TNFAIP8L3: variants seen among roughly 807,000 people sequenced by gnomAD.
The protein encoded by TNFAIP8L3 is TNF alpha induced protein 8 like 3.
A neutral mutation model predicts 11.8 loss-of-function variants in TNFAIP8L3; 7 were observed. That is an observed-to-expected ratio of 0.59 (90% CI 0.34 to 1.11). The LOEUF is 1.11. Ranked by LOEUF, TNFAIP8L3 falls within the 50% of genes most tolerant of loss-of-function variation. The pLI is 0.03. For missense variants in TNFAIP8L3, 219 were observed against 258.6 expected (o/e 0.85, Z 1.05); for synonymous variants, 98 against 103.8 (o/e 0.94, Z 0.34).
upstream of TNFAIP8L3, among the ~76,000 whole-genome samples, chr15:51,097,572 G>A (rs1490864493): frequency 6.6e-6 from 1 of 152,200 alleles, no homozygotes. Context: ...TTAGACAATG[G>A]GGAAGAGAGA....
intron 1 of TNFAIP8L3, among the ~76,000 whole-genome samples, chr15:51,062,289 A>C (rs909789221): frequency 3.3e-5 from 5 of 151,386 alleles, no homozygotes; most frequent in Non-Finnish European, 5.9e-5. Flanking sequence ...AAATAAAATA[A>C]AATAAAATAA....
At chr15:51,063,744 G>A (rs2065253812) in intron 1 of TNFAIP8L3, among the ~76,000 whole-genome samples, 1 of 152,194 alleles carries the variant, frequency 6.6e-6, no homozygotes, top group Non-Finnish European at 1.5e-5. Flanking sequence ...CTGCAAGGAG[G>A]CTGGATATTG....
chr15:51,087,919 T>TTTTATATATATATATATATATATATA (rs1281675922), intron 1 of TNFAIP8L3, among the ~76,000 whole-genome samples: 3 of 101,564 alleles, frequency 3.0e-5, no homozygotes, highest in African/African-American at 1.1e-4. Context: ...TAGCATACCT[T>TTTTATATATATATATATATATATATA]TATATATATA....
At chr15:51,092,448 T>G (rs1352063984) in intron 1 of TNFAIP8L3, among the ~76,000 whole-genome samples, 1 of 152,258 alleles carries the variant, frequency 6.6e-6, no homozygotes, top group Non-Finnish European at 1.5e-5. Flanking sequence ...ACATCCAGCT[T>G]TGAAGCACTG....
At chr15:51,088,625 G>A (rs888914007) in intron 1 of TNFAIP8L3, among the ~76,000 whole-genome samples, 6 of 152,222 alleles carry the variant, frequency 3.9e-5, no homozygotes, top group African/African-American at 9.6e-5. Flanking sequence ...TCAGAGCTAT[G>A]AGGTCTAGAA....
Position 51,058,021 on chromosome 15 carries a change from C to T in TNFAIP8L3, c.475G>A (p.Gly159Arg), listed in dbSNP as rs200106121. The T allele has an allele frequency of 1.7e-5, 27 of 1,614,182 alleles. No homozygotes were observed. The highest frequency in any genetic ancestry group is 3.3e-4 in the Middle Eastern group (2 of 6,062). The change falls in exon 2 of 2, where the codon GGG becomes AGG. Residue 159 changes from glycine to arginine, a missense_variant. By Grantham distance (125) the Gly-to-Arg change is moderately radical. Transcript: ENST00000637513. ...TGGTTAAAGACGTGGTTGATGCGCC[C>T]GTGGGTCCTGGGCGTCAGGTGCCGC... ...VQRHLTPRTH[G>R]RINHVFNHFA...
chr15:51,079,199 C>T (rs1166933022), intron 1 of TNFAIP8L3, among the ~76,000 whole-genome samples: 1 of 152,280 alleles, frequency 6.6e-6, no homozygotes, highest in Non-Finnish European at 1.5e-5. Flanking sequence ...TTTGCATTTT[C>T]TGTCCCTGTG....
intron 1 of TNFAIP8L3, among the ~76,000 whole-genome samples, chr15:51,075,685 A>G (rs536128471): frequency 6.6e-6 from 1 of 152,370 alleles, no homozygotes; most frequent in East Asian, 1.9e-4. Flanking sequence ...GTCTAATGCA[A>G]TAAAAATGTC....
At chr15:51,090,113 T>C (rs1036112359) in intron 1 of TNFAIP8L3, among the ~76,000 whole-genome samples, 1 of 152,204 alleles carries the variant, frequency 6.6e-6, no homozygotes, top group African/African-American at 2.4e-5. Context: ...GCTAAGTGCC[T>C]GAAGGAAGAG....
At chr15:51,082,678 T>C (rs2065400605) in intron 1 of TNFAIP8L3, among the ~76,000 whole-genome samples, 1 of 152,206 alleles carries the variant, frequency 6.6e-6, no homozygotes, top group Non-Finnish European at 1.5e-5. Flanking sequence ...TGTATAGCTG[T>C]ACAAAAATTA....
At chr15:51,069,551 C>A (rs57324163) in intron 1 of TNFAIP8L3, 30,913 of 152,114 alleles carry the variant, frequency 0.2, 3,616 homozygotes, top group East Asian at 0.44. Context: ...CCTTTTAGCT[C>A]ATTATCTCAG....
chr15:51,072,581 G>C (rs1449034545), intron 1 of TNFAIP8L3, among the ~76,000 whole-genome samples: 1 of 152,080 alleles, frequency 6.6e-6, no homozygotes, highest in Non-Finnish European at 1.5e-5. Context: ...TAAAGGTTTT[G>C]TTTTTCACAT....
upstream of TNFAIP8L3, among the ~76,000 whole-genome samples, chr15:51,095,653 GA>G (rs112523783): frequency 2.6e-4 from 39 of 148,822 alleles, no homozygotes; most frequent in East Asian, 1.4e-3. Context: ...TTTATGAAAG[GA>G]AAAAAAAAAG....
At position 51,072,834 on chromosome 15, in the gene TNFAIP8L3, C is replaced by T. The variant is rs145776719; in HGVS notation, c.53-14391G>A. Among the ~76,000 whole-genome samples the T allele has an allele frequency of 3.3e-5, 5 of 152,146 alleles. No homozygotes were observed. In the East Asian group the frequency reaches 9.6e-4, roughly 29 times the overall value. ...AGTTTTCTTAATATAACTCGTAAGT[C>T]ATGATAGTCCAAAGGGAAGTGCCCC... On this transcript the variant is annotated intron_variant, in intron 1 of 1. Coordinates refer to ENST00000637513, the MANE Select transcript of TNFAIP8L3 (RefSeq NM_001311175.2).
chr15:51,096,663 G>A (rs59166702), upstream of TNFAIP8L3, among the ~76,000 whole-genome samples: 26 of 152,190 alleles, frequency 1.7e-4, no homozygotes, highest in East Asian at 3.3e-3. Context: ...AAACTGAGGC[G>A]GGTGGATCAC....
At chr15:51,070,920 G>T (rs1003934000) in intron 1 of TNFAIP8L3, among the ~76,000 whole-genome samples, 1 of 147,940 alleles carries the variant, frequency 6.8e-6, no homozygotes, top group African/African-American at 2.5e-5. Flanking sequence ...GCGTAGTGGC[G>T]GGCGCCTGTA....
intron 1 of TNFAIP8L3, among the ~76,000 whole-genome samples, chr15:51,067,873 T>A (rs2065282052): frequency 6.6e-6 from 1 of 152,206 alleles, no homozygotes; most frequent in African/African-American, 2.4e-5. Context: ...TGGACAATTA[T>A]CCTTCCTCTT....
chr15:51,069,852 T>A (rs2065296811), intron 1 of TNFAIP8L3, among the ~76,000 whole-genome samples: 1 of 152,210 alleles, frequency 6.6e-6, no homozygotes, highest in African/African-American at 2.4e-5. Flanking sequence ...AAGCCTACAG[T>A]CTTTGCCTTC....
At chr15:51,100,245 A>G (rs764254421) in intron 1 of TNFAIP8L3, among the ~76,000 whole-genome samples, 1 of 152,230 alleles carries the variant, frequency 6.6e-6, no homozygotes, top group Non-Finnish European at 1.5e-5. Context: ...GGTCTTACAC[A>G]GTTTCCTTGC....
Sources: allele counts gnomAD v4.1 joint callset (sites outside exome capture counted in the v4.1 genomes callset), GRCh38; gene constraint gnomAD v4.1.1; transcripts MANE v1.5; gene names NCBI Gene and HGNC (gene_info 2026-07-23, HGNC 2026-07-21).